FAM184B: variants seen among roughly 807,000 people sequenced by gnomAD.
FAM184B encodes protein FAM184B.
FAM184B carries 111 observed loss-of-function variants against 135.9 expected under a neutral mutation model. The observed-to-expected ratio is 0.82, with a 90% CI of 0.70 to 0.96. The LOEUF (loss-of-function observed/expected upper bound fraction) is 0.96. FAM184B is among the 40% of genes least tolerant of loss of function. FAM184B has a pLI of 0.00. For missense variants in FAM184B, 1,375 were observed against 1,323.9 expected (o/e 1.04, Z -0.60); for synonymous variants, 552 against 524.8 (o/e 1.05, Z -0.71).
At chr4:17,641,672 G>A (rs772668932) in intron 13 of FAM184B, among the ~76,000 whole-genome samples, 4 of 41,020 alleles carry the variant, frequency 9.8e-5, no homozygotes, top group African/African-American at 3.7e-4. Flanking sequence ...TTTTTTTTTT[G>A]TATTTTTAGT....
In FAM184B at chr4:17,664,622, C is replaced by A; in HGVS notation, c.1634G>T (p.Gly545Val). Residue 545 changes from glycine (G) to valine (V), a missense_variant, in exon 8 of 18, where the codon GGA (glycine) becomes GTA (valine). Gly to Val is a moderately radical substitution (Grantham distance 109, BLOSUM62 -3). Coordinates refer to ENST00000265018, the MANE Select transcript of FAM184B (RefSeq NM_015688.2). The part of the protein sequence containing the change: ...CLKLDETSPR[G>V]EEYQDKLAAE... ...TGCTAACTTATCTTGATACTCCTCT[C>A]CTCTCGGCGAAGTTTCATCCAGCTT... 6.4e-7 allele frequency: 1 copy of A among 1,551,520 alleles called. No homozygotes were observed. The highest frequency in any genetic ancestry group is 8.7e-7 in the Non-Finnish European group (1 of 1,147,004).
At chr4:17,674,208 A>G (rs1415220231) in intron 7 of FAM184B, among the ~76,000 whole-genome samples, 1 of 152,152 alleles carries the variant, frequency 6.6e-6, no homozygotes. Flanking sequence ...ATTAATAATT[A>G]CAAGCATACC....
At chr4:17,677,888 ATAT>A (rs553022256) in intron 7 of FAM184B, among the ~76,000 whole-genome samples, 1 of 152,254 alleles carries the variant, frequency 6.6e-6, no homozygotes, top group Non-Finnish European at 1.5e-5. Context: ...AATAAATGTG[ATAT>A]ACCACATAAA....
At chr4:17,644,753 G>A (rs1434302578) in intron 12 of FAM184B, among the ~76,000 whole-genome samples, 3 of 152,188 alleles carry the variant, frequency 2.0e-5, no homozygotes, top group African/African-American at 7.2e-5. Context: ...TCAGGCAGGA[G>A]AAAGAAGGGG....
At chr4:17,749,784 G>T (rs1403473117) in intron 1 of FAM184B, among the ~76,000 whole-genome samples, 1 of 152,118 alleles carries the variant, frequency 6.6e-6, no homozygotes, top group African/African-American at 2.4e-5. Context: ...GGTGTTTCTT[G>T]CCAGGTTACT....
chr4:17,779,184 G>T (rs1028059775), intron 1 of FAM184B, among the ~76,000 whole-genome samples: 1 of 152,174 alleles, frequency 6.6e-6, no homozygotes, highest in African/African-American at 2.4e-5. Flanking sequence ...TCTGATGGAA[G>T]AAGAGCCCAA....
chr4:17,648,745 T>A lies in FAM184B; in HGVS notation c.2192-954A>T, dbSNP rs546818324. ...CATGGAGGTAGGAGATGGCATGTCATCCCAGCAGGATAGGGACTAAAATGG... is the reference window on the plus strand; with the variant it reads ...CATGGAGGTAGGAGATGGCATGTCAACCCAGCAGGATAGGGACTAAAATGG... On this transcript the variant is annotated intron_variant, in intron 11 of 17. Transcript: ENST00000265018. Among the ~76,000 whole-genome samples the A allele has an allele frequency of 5.3e-5, 8 of 152,170 alleles. No individual in the cohort carries two copies. In the South Asian group the frequency reaches 1.7e-3, roughly 32 times the overall value.
At chr4:17,763,018 T>C (rs1718580281) in intron 1 of FAM184B, among the ~76,000 whole-genome samples, 1 of 152,146 alleles carries the variant, frequency 6.6e-6, no homozygotes, top group South Asian at 2.1e-4. Flanking sequence ...CCTGACTCAC[T>C]CCTGTGTTTT....
In FAM184B at chr4:17,632,458, G is replaced by A. The variant is rs965326657; in HGVS notation, c.*74C>T. On this transcript the variant is annotated 3_prime_UTR_variant, in exon 18 of 18. Transcript: ENST00000265018. ...CATATTATTTGGTTGGTTGGTGTTAGTTCATTCCTTCAATCGGATGATTTA... is the reference window on the plus strand; with the variant it reads ...CATATTATTTGGTTGGTTGGTGTTAATTCATTCCTTCAATCGGATGATTTA... 11 of 1,281,952 alleles carry A rather than the reference G, an allele frequency of 8.6e-6. No homozygotes were observed. Among genetic ancestry groups the A allele is most frequent in the African/African-American group, 7.5e-5 (5 of 67,016 alleles). The allele number at this position is 1,281,952 out of a possible 1,614,324, so 79.4% of individuals were successfully genotyped here.
intron 1 of FAM184B, among the ~76,000 whole-genome samples, chr4:17,724,316 A>C (rs1351820894): frequency 6.6e-6 from 1 of 152,148 alleles, no homozygotes; most frequent in Non-Finnish European, 1.5e-5. Context: ...TTCATTTATC[A>C]TCAAGTTGTA....
chr4:17,746,584 T>C (rs1015506521), intron 1 of FAM184B, among the ~76,000 whole-genome samples: 2 of 148,218 alleles, frequency 1.3e-5, no homozygotes, highest in Non-Finnish European at 3.0e-5. Flanking sequence ...TACAAAAAAT[T>C]AGCCAGCCGT....
intron 1 of FAM184B, among the ~76,000 whole-genome samples, chr4:17,739,023 T>C (rs1008501393): frequency 6.6e-6 from 1 of 152,200 alleles, no homozygotes; most frequent in African/African-American, 2.4e-5. Context: ...AAACCTTTTT[T>C]CTTTATAAAT....
chr4:17,688,924 C>G (rs921816650), intron 6 of FAM184B, among the ~76,000 whole-genome samples: 1 of 152,070 alleles, frequency 6.6e-6, no homozygotes, highest in Non-Finnish European at 1.5e-5. Flanking sequence ...AACTCCTGAC[C>G]TTAAGCGATC....
At chr4:17,713,978 G>A (rs1459697130) in intron 1 of FAM184B, among the ~76,000 whole-genome samples, 2 of 152,186 alleles carry the variant, frequency 1.3e-5, no homozygotes, top group African/African-American at 4.8e-5. Context: ...GAAGCGGTCT[G>A]GGAGGAAAGA....
chr4:17,766,088 G>C (rs377722378), intron 1 of FAM184B, among the ~76,000 whole-genome samples: 17 of 152,202 alleles, frequency 1.1e-4, no homozygotes, highest in African/African-American at 3.9e-4. Flanking sequence ...GCCACAGGAA[G>C]ATTTATTACA....
rs191338306 is a variant in FAM184B at position 17,768,861 on chromosome 4, A to G, written c.141+12298T>C. ...CTCTTGTTGCCCAGGCTAGAGTGCA[A>G]TGGCATTATCTCAGCTCACTGCAAC... On this transcript the variant is annotated intron_variant, in intron 1 of 17. Transcript: ENST00000265018. Among the ~76,000 whole-genome samples the G allele has an allele frequency of 3.3e-5, 5 of 151,558 alleles. No homozygotes were observed. The East Asian group carries it at 7.8e-4, about 24-fold the overall frequency.
chr4:17,766,908 G>A (rs911629695), intron 1 of FAM184B, among the ~76,000 whole-genome samples: 1 of 152,214 alleles, frequency 6.6e-6, no homozygotes, highest in Non-Finnish European at 1.5e-5. Context: ...TATGGTGCAG[G>A]GGAGGCTCAG....
At position 17,652,911 on chromosome 4, in the gene FAM184B, G is replaced by A. The variant is rs781283004; in HGVS notation, c.2110C>T (p.Leu704Phe). ...CTGGCCTTTTCCTCCAAGGCCTGGA[G>A]CTCCAGTCGGTGTGTCTGGTGTTGG... is the stretch of plus-strand genomic sequence containing the variant. ...QIQHQTHRLE[L>F]QALEEKARQE... Residue 704 changes from leucine (L) to phenylalanine (F), a missense_variant, in exon 11 of 18, where the codon CTC becomes TTC. By Grantham distance (22) the Leu-to-Phe change is conservative. Coordinates refer to ENST00000265018, the MANE Select transcript of FAM184B (RefSeq NM_015688.2). 1 of 1,551,770 alleles carries A rather than the reference G, an allele frequency of 6.4e-7. No individual in the cohort carries two copies. The highest frequency in any genetic ancestry group is 1.2e-5 in the South Asian group (1 of 84,068).
chr4:17,682,122 C>T (rs1716456005), intron 7 of FAM184B, among the ~76,000 whole-genome samples: 1 of 152,130 alleles, frequency 6.6e-6, no homozygotes, highest in African/African-American at 2.4e-5. Flanking sequence ...CAAATGACTC[C>T]CTTTTCCTTC....
Sources: allele counts gnomAD v4.1 joint callset (sites outside exome capture counted in the v4.1 genomes callset), GRCh38; gene constraint gnomAD v4.1.1; transcripts MANE v1.5; gene names NCBI Gene and HGNC (gene_info 2026-07-23, HGNC 2026-07-21).